BCKDHB: variants seen among roughly 807,000 people sequenced by gnomAD.
The protein encoded by BCKDHB is branched chain keto acid dehydrogenase E1 subunit beta.
Under a neutral mutation model 48.5 loss-of-function variants are expected in BCKDHB, and 41 were observed. The observed-to-expected ratio is 0.85, with a 90% CI of 0.66 to 1.10. The LOEUF (loss-of-function observed/expected upper bound fraction) is 1.10. BCKDHB is among the 50% of genes least tolerant of loss of function. The pLI, the probability that BCKDHB is intolerant of heterozygous loss-of-function variation, is 0.00. For synonymous variants in BCKDHB, 201 were observed against 174.8 expected (o/e 1.15, Z -1.18); for missense variants, 496 against 494.2 (o/e 1.00, Z -0.03).
chr6:80,291,148 C>G (rs1766890518), intron 9 of BCKDHB, among the ~76,000 whole-genome samples: 1 of 152,190 alleles, frequency 6.6e-6, no homozygotes, highest in Admixed American at 6.5e-5. Flanking sequence ...TTATTTTACC[C>G]AGCCTTTATT....
intron 8 of BCKDHB, among the ~76,000 whole-genome samples, chr6:80,227,298 T>C (rs1454193603): frequency 6.6e-6 from 1 of 152,226 alleles, no homozygotes; most frequent in Non-Finnish European, 1.5e-5. Context: ...AGAGAACTTC[T>C]GGGGACACTG....
chr6:80,443,364 A>AGTAGGAATATG, the BCKDHB span: 10 of 152,124 alleles, frequency 6.6e-5, no homozygotes, highest in Non-Finnish European at 1.2e-4. Flanking sequence ...GTCTTGATAA[A>AGTAGGAATATG]GTAGGAATAT....
intron 1 of BCKDHB, among the ~76,000 whole-genome samples, chr6:80,111,907 ATATTT>A (rs1769431433): frequency 6.6e-6 from 1 of 152,154 alleles, no homozygotes; most frequent in Non-Finnish European, 1.5e-5. Flanking sequence ...CACATAATGA[ATATTT>A]TATTCCTGAT....
At chr6:80,223,963 A>G (rs1775570700) in intron 8 of BCKDHB, among the ~76,000 whole-genome samples, 1 of 152,124 alleles carries the variant, frequency 6.6e-6, no homozygotes, top group Non-Finnish European at 1.5e-5. Context: ...GGAAATGTGG[A>G]CTTTTGTTTT....
In BCKDHB at chr6:80,168,965, G is replaced by A; in HGVS notation, c.568G>A (p.Gly190Ser). 1 of 1,614,130 alleles carries A rather than the reference G, an allele frequency of 6.2e-7. No homozygotes were observed. Among genetic ancestry groups the A allele is most frequent in the African/African-American group, 1.3e-5 (1 of 75,042 alleles). ...LTIRSPWGCV[G>S]HGALYHSQSP... is the part of the protein sequence containing the mutation. ...TATCCGGTCCCCTTGGGGCTGTGTT[G>A]GTCATGGGGCTCTCTATCATTCTCA... The change falls in exon 5 of 10, where the codon GGT becomes AGT. Residue 190 changes from glycine to serine, a missense_variant. Physicochemically the swap from Gly to Ser is moderately conservative, Grantham distance 56. Coordinates refer to ENST00000320393, the MANE Select transcript of BCKDHB (RefSeq NM_183050.4).
Position 80,255,582 on chromosome 6 carries a change from G to A in BCKDHB, c.952-17553G>A, listed in dbSNP as rs146587087. On this transcript the variant is annotated intron_variant, in intron 8 of 9. Transcript: ENST00000320393. ...CTGCTCTTACCGAACAGCATGCAGT[G>A]GGAGAAACTAATGTGGAGAAAATAA... 5.3e-3 allele frequency among the ~76,000 whole-genome samples: 804 copies of A among 152,238 alleles called. 2 individuals carry two copies. Among genetic ancestry groups the A allele is most frequent in the African/African-American group, 0.018 (756 of 41,536 alleles).
At chr6:80,119,614 C>T (rs368467774) in intron 1 of BCKDHB, among the ~76,000 whole-genome samples, 27 of 152,192 alleles carry the variant, frequency 1.8e-4, no homozygotes, top group African/African-American at 5.5e-4. Flanking sequence ...TGAGCCATCA[C>T]GCCTGGCCAA....
intron 9 of BCKDHB, among the ~76,000 whole-genome samples, chr6:80,330,182 A>G (rs1769252788): frequency 6.6e-6 from 1 of 152,008 alleles, no homozygotes; most frequent in South Asian, 2.1e-4. Flanking sequence ...GAAAATAGAG[A>G]TAAAGAATAA....
chr6:80,425,225 G>A, the BCKDHB span, among the ~76,000 whole-genome samples: 9 of 152,278 alleles, frequency 5.9e-5, no homozygotes, highest in East Asian at 1.2e-3. Flanking sequence ...TAGGTTGTAT[G>A]TATACCACAG....
intron 8 of BCKDHB, among the ~76,000 whole-genome samples, chr6:80,206,087 G>C (rs1029422529): frequency 1.3e-5 from 2 of 151,998 alleles, no homozygotes; most frequent in Non-Finnish European, 2.9e-5. Flanking sequence ...ATGGTGAAAG[G>C]TAAGTAGAAA....
chr6:80,252,015 C>T (rs1003540223), intron 8 of BCKDHB, among the ~76,000 whole-genome samples: 1 of 152,200 alleles, frequency 6.6e-6, no homozygotes, highest in Non-Finnish European at 1.5e-5. Flanking sequence ...AGCATGCTTA[C>T]TGTAGGCATT....
intron 8 of BCKDHB, among the ~76,000 whole-genome samples, chr6:80,232,949 A>T (rs1381220126): frequency 6.6e-6 from 1 of 152,072 alleles, no homozygotes; most frequent in African/African-American, 2.4e-5. Context: ...TAATTTGCAT[A>T]GTAATATGTA....
chr6:80,244,453 T>TA (rs1562169932), intron 8 of BCKDHB, among the ~76,000 whole-genome samples: 4 of 152,336 alleles, frequency 2.6e-5, no homozygotes, highest in Admixed American at 2.0e-4. Flanking sequence ...AGCTCCAACT[T>TA]AATTATAAGA....
chr6:80,277,325 T>G (rs941048908), intron 9 of BCKDHB, among the ~76,000 whole-genome samples: 4 of 152,060 alleles, frequency 2.6e-5, no homozygotes, highest in African/African-American at 9.6e-5. Context: ...CTTTAGTGTG[T>G]AAAAGTGTTA....
At chr6:80,244,611 G>T (rs190930259) in intron 8 of BCKDHB, among the ~76,000 whole-genome samples, 15 of 152,340 alleles carry the variant, frequency 9.8e-5, no homozygotes, top group Non-Finnish European at 1.8e-4. Context: ...CTTTATGTAT[G>T]TGTGCATCTA....
chr6:80,263,245 C>T (rs1229434667), intron 8 of BCKDHB, among the ~76,000 whole-genome samples: 2 of 152,134 alleles, frequency 1.3e-5, no homozygotes, highest in Non-Finnish European at 2.9e-5. Context: ...AATTTCTCCT[C>T]TGTATTCCTA....
At chr6:80,140,839 C>G (rs1771166730) in intron 3 of BCKDHB, among the ~76,000 whole-genome samples, 1 of 152,082 alleles carries the variant, frequency 6.6e-6, no homozygotes, top group Admixed American at 6.6e-5. Context: ...AGAGAGGATT[C>G]CCTCTTTTTC....
At chr6:80,106,645 G>A (rs767423133), upstream of BCKDHB, 133 of 1,535,224 alleles carry the variant, frequency 8.7e-5, no homozygotes, top group Non-Finnish European at 1.1e-4. Flanking sequence ...CGCCCTCCCC[G>A]CAGGCGGCGT....
rs968341123 is a variant in BCKDHB, at chr6:80,346,241, T to G, written c.*2437T>G. 7.9e-5 allele frequency: 12 copies of G among 152,212 alleles called. No homozygotes were observed. The highest frequency in any genetic ancestry group is 7.2e-4 in the Admixed American group (11 of 15,278). The allele number at this position is 152,212 out of a possible 1,614,324, so 9.4% of individuals were successfully genotyped here. A position where few individuals can be genotyped will look rare whatever the true frequency, so the allele number is the denominator to read the frequency against. On this transcript the variant is annotated 3_prime_UTR_variant, in exon 10 of 10. Coordinates refer to ENST00000320393, the MANE Select transcript of BCKDHB (RefSeq NM_183050.4). The stretch of plus-strand genomic sequence containing the variant: ...ACATCTGTAAATATTATGTGTGTGA[T>G]AGTATTCAATAAAGTAAAATCAAAT...
Sources: allele counts gnomAD v4.1 joint callset (sites outside exome capture counted in the v4.1 genomes callset), GRCh38; gene constraint gnomAD v4.1.1; transcripts MANE v1.5; gene names NCBI Gene and HGNC (gene_info 2026-07-23, HGNC 2026-07-21).